Variants in TBCE observed in about 807,000 individuals in gnomAD.
The protein encoded by TBCE is tubulin-specific chaperone E.
TBCE carries 53 observed loss-of-function variants against 77.0 expected under a neutral mutation model. The ratio of observed to expected loss-of-function variants is 0.69; its 90% CI spans 0.55 to 0.87. The LOEUF is 0.87. TBCE is among the 40% of genes least tolerant of loss of function. TBCE has a pLI of 0.00. For synonymous variants in TBCE, 235 were observed against 241.3 expected (o/e 0.97, Z 0.24); for missense variants, 624 against 622.4 (o/e 1.00, Z -0.03).
At position 235,448,705 on chromosome 1, in the gene TBCE, A is replaced by T. The variant is rs766807109; in HGVS notation, c.1527A>T (p.Leu509=). 6.2e-7 allele frequency: 1 copy of T among 1,614,066 alleles called. No individual in the cohort carries two copies. Among genetic ancestry groups the T allele is most frequent in the Non-Finnish European group, 8.5e-7 (1 of 1,179,928 alleles). ...GAGAAATCGAGCTGGAAAATGACCT[A>T]AAGTCATTACAGTTTTATTCTGTGG... ...PGREIELEND[L]KSLQFYSVEN... is the part of the protein sequence containing the mutation. Residue 509 remains leucine (L), a synonymous_variant, in exon 17 of 17, where the codon CTA becomes CTT. Coordinates refer to ENST00000642610, the MANE Select transcript of TBCE (RefSeq NM_003193.5).
rs780015481 is a variant in TBCE at position 235,448,492 on chromosome 1, ATGACATTAAAC to A, written c.1491+55_1491+65del. 130 of 1,551,720 alleles carry A rather than the reference ATGACATTAAAC, an allele frequency of 8.4e-5. 6 individuals are homozygous for A. In the South Asian group the frequency reaches 1.4e-3, roughly 17 times the overall value. The stretch of plus-strand genomic sequence containing the variant: ...CAAAGTCAAGCTTAGTCCTCGTATT[ATGACATTAAAC>A]TGTCTCTAGATAGCAACAGTTTGAT... On this transcript the variant is annotated intron_variant, in intron 16 of 16. Coordinates refer to ENST00000642610, the MANE Select transcript of TBCE (RefSeq NM_003193.5).
At chr1:235,444,979 A>G (rs1394880689) in intron 15 of TBCE, among the ~76,000 whole-genome samples, 3 of 152,110 alleles carry the variant, frequency 2.0e-5, no homozygotes, top group African/African-American at 7.2e-5. Context: ...CTACTTCCAC[A>G]CTGTACACCT....
In TBCE at chr1:235,442,926, C is replaced by T. The variant is rs767545421; in HGVS notation, c.1399+15C>T. 1.2e-6 allele frequency: 2 copies of T among 1,613,744 alleles called. No homozygotes were observed. The highest frequency in any genetic ancestry group is 1.1e-5 in the South Asian group (1 of 91,062). On this transcript the variant is annotated intron_variant, in intron 15 of 16. Transcript: ENST00000642610. Reference sequence around the variant, plus strand: ...ACAACTGCCGGGTAAGAAGAACCAGCCTGTCTTTTCCTTAAACTCTGAATC... The same window carrying T: ...ACAACTGCCGGGTAAGAAGAACCAGTCTGTCTTTTCCTTAAACTCTGAATC...
chr1:235,392,250 G>T (rs945995321), intron 2 of TBCE, among the ~76,000 whole-genome samples: 1 of 152,026 alleles, frequency 6.6e-6, no homozygotes, highest in African/African-American at 2.4e-5. Flanking sequence ...AGCTACTTGG[G>T]AAGCTGAAAT....
chr1:235,373,954 T>C (rs2102800551), intron 1 of TBCE, among the ~76,000 whole-genome samples: 1 of 144,972 alleles, frequency 6.9e-6, no homozygotes, highest in East Asian at 1.9e-4. Context: ...CAGACTTGTA[T>C]TTTTATTTTT....
chr1:235,434,030 T>C, intron 7 of TBCE, 174 bp from the exon 8 acceptor site: 1 of 643,644 alleles, frequency 1.6e-6, no homozygotes. Flanking sequence ...CCTTAACATT[T>C]TATTTATCAC....
At chr1:235,404,869 C>T (rs1286093285) in intron 3 of TBCE, among the ~76,000 whole-genome samples, 1 of 151,868 alleles carries the variant, frequency 6.6e-6, no homozygotes, top group African/African-American at 2.4e-5. Context: ...ACCATGTTGG[C>T]CAGGCTGGTG....
At position 235,402,736 on chromosome 1, in the gene TBCE, C is replaced by T. The variant is rs559973962; in HGVS notation, c.185+1149C>T. Among the ~76,000 whole-genome samples the T allele has an allele frequency of 3.1e-4, 47 of 152,032 alleles. No individual in the cohort carries two copies. In the South Asian group the frequency reaches 9.3e-3, roughly 30 times the overall value. On this transcript the variant is annotated intron_variant, in intron 3 of 16. Transcript: ENST00000642610. Reference sequence around the variant, plus strand: ...AACTCCTGGGCTCAAGTGATCTTCGCGCCTCAGTCTCCTGAGTAGCTGGGA... The same window carrying T: ...AACTCCTGGGCTCAAGTGATCTTCGTGCCTCAGTCTCCTGAGTAGCTGGGA...
intron 5 of TBCE, among the ~76,000 whole-genome samples, chr1:235,423,283 C>T (rs1435838100): frequency 2.0e-5 from 3 of 151,968 alleles, no homozygotes; most frequent in Non-Finnish European, 4.4e-5. Context: ...TGTGCTTTCA[C>T]GGGGGCTCCT....
In TBCE at chr1:235,448,911, A is replaced by G; in HGVS notation, c.*149A>G. 1.5e-6 allele frequency: 1 copy of G among 677,248 alleles called. No individual in the cohort carries two copies. Among genetic ancestry groups the G allele is most frequent in the African/African-American group, 1.8e-5 (1 of 56,270 alleles). 42.0% of individuals were successfully genotyped at this position (677,248 alleles called of 1,614,324 possible). On this transcript the variant is annotated 3_prime_UTR_variant, in exon 17 of 17. Coordinates refer to ENST00000642610, the MANE Select transcript of TBCE (RefSeq NM_003193.5). ...AACAAGGGATGTATTTTTTGTTGGG[A>G]AGTGACCATTTCTAGGCTTATACAT...
rs59405398 is a variant in TBCE at position 235,448,220 on chromosome 1, CAAAAAAAAA to C, written c.1400-117_1400-109del. ...CTTAAGTAAGTAAGTAAGTCAGTCT[CAAAAAAAAA>C]AAAAAAAAAAAGACAGATACAGCTA... is the stretch of plus-strand genomic sequence containing the variant. On this transcript the variant is annotated intron_variant, in intron 15 of 16. Coordinates refer to ENST00000642610, the MANE Select transcript of TBCE (RefSeq NM_003193.5). 1.3e-5 allele frequency: 7 copies of C among 531,016 alleles called. No individual in the cohort carries two copies. In the African/African-American group the frequency reaches 1.6e-4, roughly 12 times the overall value. 32.9% of individuals were successfully genotyped at this position (531,016 alleles called of 1,614,324 possible).
chr1:235,436,427 T>C lies in TBCE; in HGVS notation c.875T>C (p.Leu292Pro), dbSNP rs1433890461. 1.2e-6 allele frequency: 2 copies of C among 1,614,144 alleles called. No individual in the cohort carries two copies. Among genetic ancestry groups the C allele is most frequent in the Non-Finnish European group, 1.7e-6 (2 of 1,179,994 alleles). Reference sequence around the variant, plus strand: ...CTCTCTGACACTGGAATTTCTTCTCTACATTTTCCGGATGCTGGAATTGGT... The same window carrying C: ...CTCTCTGACACTGGAATTTCTTCTCCACATTTTCCGGATGCTGGAATTGGT... ...LILSDTGISS[L>P]HFPDAGIGCK... is the part of the protein sequence containing the mutation. Residue 292 changes from leucine to proline, a missense_variant, in exon 10 of 17, where the codon CTA (leucine) becomes CCA (proline). By Grantham distance (98) the Leu-to-Pro change is moderately conservative. Transcript: ENST00000642610.
At chr1:235,370,325 C>A (rs1040647415) in intron 1 of TBCE, among the ~76,000 whole-genome samples, 1 of 150,350 alleles carries the variant, frequency 6.7e-6, no homozygotes, top group East Asian at 2.0e-4. Context: ...ACGTTCTCGG[C>A]TCACTGCAAC....
intron 4 of TBCE, chr1:235,415,262 C>G (rs1680046810): frequency 6.5e-6 from 1 of 153,298 alleles, no homozygotes; most frequent in Non-Finnish European, 1.5e-5. Flanking sequence ...CTGGGGATTA[C>G]AGGGATTAAG....
chr1:235,396,499 A>G (rs961494910), intron 2 of TBCE, among the ~76,000 whole-genome samples: 1 of 152,104 alleles, frequency 6.6e-6, no homozygotes, highest in Non-Finnish European at 1.5e-5. Context: ...TCTTTTTGGT[A>G]TATAACTAGC....
intron 15 of TBCE, among the ~76,000 whole-genome samples, chr1:235,445,507 A>G (rs1206497729): frequency 6.6e-6 from 1 of 152,102 alleles, no homozygotes; most frequent in Non-Finnish European, 1.5e-5. Context: ...GTGGTGGTGC[A>G]TGCCTGTAGT....
At chr1:235,372,627 AAGAG>A (rs765140404) in intron 1 of TBCE, among the ~76,000 whole-genome samples, 1 of 150,222 alleles carries the variant, frequency 6.7e-6, no homozygotes, top group Non-Finnish European at 1.5e-5. Context: ...ACCAATAGAA[AAGAG>A]AGAGAGAGAG....
At chr1:235,440,937 TTTATG>T (rs1681838846) in intron 13 of TBCE, 2 of 152,158 alleles carry the variant, frequency 1.3e-5, no homozygotes, top group South Asian at 2.1e-4. Flanking sequence ...ACATTTCGCT[TTTATG>T]TTATTTCCTT....
intron 15 of TBCE, among the ~76,000 whole-genome samples, chr1:235,446,502 C>T (rs1214410654): frequency 3.3e-5 from 5 of 150,798 alleles, no homozygotes; most frequent in Admixed American, 3.3e-4. Context: ...CTTATATGAA[C>T]ACAGAAAAAA....
Sources: allele counts gnomAD v4.1 joint callset (sites outside exome capture counted in the v4.1 genomes callset), GRCh38; gene constraint gnomAD v4.1.1; transcripts MANE v1.5; gene names NCBI Gene and HGNC (gene_info 2026-07-23, HGNC 2026-07-21).